VRK1: variants seen among roughly 807,000 people sequenced by gnomAD.
VRK1 encodes serine/threonine-protein kinase VRK1.
VRK1 carries 33 observed loss-of-function variants against 57.1 expected under a neutral mutation model. That is an observed-to-expected ratio of 0.58 (90% CI 0.44 to 0.77). The LOEUF (loss-of-function observed/expected upper bound fraction) is 0.77, where lower values mean the gene tolerates loss of function less well. Ranked by LOEUF, VRK1 falls within the 30% of genes least tolerant of loss-of-function variation. The pLI is 0.00. For synonymous variants in VRK1, 137 were observed against 147.8 expected (o/e 0.93, Z 0.53); for missense variants, 413 against 477.3 (o/e 0.87, Z 1.25).
intron 1 of VRK1, among the ~76,000 whole-genome samples, chr14:96,832,574 C>G (rs1414840421): frequency 2.0e-5 from 3 of 152,128 alleles, no homozygotes; most frequent in Non-Finnish European, 4.4e-5. Flanking sequence ...ACCCAACCAG[C>G]TGGTGTCATA....
chr14:96,799,221 G>T (rs1441222457), intron 1 of VRK1, among the ~76,000 whole-genome samples: 1 of 152,186 alleles, frequency 6.6e-6, no homozygotes, highest in Non-Finnish European at 1.5e-5. Flanking sequence ...GAAAGCTTAT[G>T]CTAAGTTTTA....
At chr14:96,869,188 A>G (rs145160329) in intron 11 of VRK1, among the ~76,000 whole-genome samples, 48 of 152,358 alleles carry the variant, frequency 3.2e-4, no homozygotes, top group African/African-American at 1.2e-3. Context: ...GGAATAAAAG[A>G]TATAAAGTGC....
intron 1 of VRK1, among the ~76,000 whole-genome samples, chr14:96,832,364 A>G (rs1887040993): frequency 6.6e-6 from 1 of 152,152 alleles, no homozygotes; most frequent in South Asian, 2.1e-4. Flanking sequence ...TATCTCCAGT[A>G]TGTTTTTAGG....
rs575689038 is a variant in VRK1, at chr14:96,875,905, C to A, written c.1069-125C>A. The A allele has an allele frequency of 2.0e-5, 20 of 976,932 alleles. No individual in the cohort carries two copies. The African/African-American group carries it at 3.2e-4, about 16-fold the overall frequency. 60.5% of individuals were successfully genotyped at this position (976,932 alleles called of 1,614,324 possible). A position where few individuals can be genotyped will look rare whatever the true frequency, so the allele number is the denominator to read the frequency against. ...CTATCCTGAAGTTGAGAATATTCTTCCTGTGTGTTTTGACACACCCACACC... is the reference window on the plus strand; with the variant it reads ...CTATCCTGAAGTTGAGAATATTCTTACTGTGTGTTTTGACACACCCACACC... On this transcript the variant is annotated intron_variant, in intron 11 of 12. Transcript: ENST00000216639.
chr14:96,881,235 T>G lies in VRK1; in HGVS notation c.*27T>G. On this transcript the variant is annotated 3_prime_UTR_variant, in exon 13 of 13. Transcript: ENST00000216639. ...TCAGATGCTGTGAACCAGATTTCCT[T>G]TTCTTTGTTTTCTTTTGACTTTTTT... 6.3e-7 allele frequency: 1 copy of G among 1,578,706 alleles called. No individual in the cohort carries two copies. Among genetic ancestry groups the G allele is most frequent in the Non-Finnish European group, 8.6e-7 (1 of 1,158,850 alleles).
At chr14:96,840,113 G>A (rs746509049) in intron 3 of VRK1, among the ~76,000 whole-genome samples, 1 of 152,100 alleles carries the variant, frequency 6.6e-6, no homozygotes, top group Admixed American at 6.6e-5. Flanking sequence ...GATTTTGGTA[G>A]CAGAGTTCTG....
chr14:96,837,937 TAAA>T, intron 3 of VRK1, 120 bp downstream of exon 3: 1 of 549,076 alleles, frequency 1.8e-6, no homozygotes, highest in Non-Finnish European at 2.9e-6. Flanking sequence ...TTTAATAACT[TAAA>T]AAATATTTAA....
intron 1 of VRK1, 51 bp from the exon 2 acceptor site, chr14:96,833,416 T>A: frequency 6.2e-7 from 1 of 1,607,380 alleles, no homozygotes; most frequent in South Asian, 1.1e-5. Context: ...AAAAATGTTT[T>A]AAACACTTCT....
At chr14:96,851,514 G>C (rs1887948845) in intron 5 of VRK1, among the ~76,000 whole-genome samples, 1 of 152,142 alleles carries the variant, frequency 6.6e-6, no homozygotes, top group African/African-American at 2.4e-5. Flanking sequence ...TTTATTAAAA[G>C]ATGTTTAGAC....
intron 11 of VRK1, among the ~76,000 whole-genome samples, chr14:96,875,108 A>G (rs1888974013): frequency 6.6e-6 from 1 of 151,588 alleles, no homozygotes. Flanking sequence ...CTTAAATTTG[A>G]AACTACAGAA....
At chr14:96,824,665 ATTT>A (rs55945612) in intron 1 of VRK1, among the ~76,000 whole-genome samples, 1 of 139,560 alleles carries the variant, frequency 7.2e-6, no homozygotes, top group African/African-American at 2.6e-5. Context: ...AAAAACATTA[ATTT>A]TTTTTTTTTT....
At chr14:96,829,292 G>A (rs1886917896) in intron 1 of VRK1, among the ~76,000 whole-genome samples, 2 of 151,518 alleles carry the variant, frequency 1.3e-5, no homozygotes, top group African/African-American at 4.9e-5. Flanking sequence ...TGATCCCTTG[G>A]TGAATATTAA....
At chr14:96,797,503 G>A (rs1341085132) in intron 1 of VRK1, 56 bp downstream of exon 1, 1 of 152,204 alleles carries the variant, frequency 6.6e-6, no homozygotes, top group Non-Finnish European at 1.5e-5. Flanking sequence ...CCGGGGGCGC[G>A]GAGGCGGGCG....
rs796890979 is a variant in VRK1, at chr14:96,870,163, A to AT, written c.1069-5861dup. Among the ~76,000 whole-genome samples the AT allele has an allele frequency of 1.7e-4, 26 of 152,220 alleles. No homozygotes were observed. In the South Asian group the frequency reaches 4.6e-3, roughly 27 times the overall value. ...TATATTCTTTCAGGACCTTTAAATT[A>AT]TTTTTTATAACTTTTGCAGCATGCC... On this transcript the variant is annotated intron_variant, in intron 11 of 12. Transcript: ENST00000216639.
At chr14:96,828,515 C>T (rs1886885458) in intron 1 of VRK1, among the ~76,000 whole-genome samples, 1 of 152,046 alleles carries the variant, frequency 6.6e-6, no homozygotes, top group Non-Finnish European at 1.5e-5. Context: ...ATAAATGTAG[C>T]AGAAAAAATA....
chr14:96,862,873 T>A (rs1323357903), intron 11 of VRK1, among the ~76,000 whole-genome samples: 1 of 152,214 alleles, frequency 6.6e-6, no homozygotes, highest in Non-Finnish European at 1.5e-5. Context: ...AAGTGTGAAG[T>A]ATATTTTCTG....
intron 1 of VRK1, among the ~76,000 whole-genome samples, chr14:96,810,704 G>A (rs528259327): frequency 6.6e-6 from 1 of 152,204 alleles, no homozygotes; most frequent in East Asian, 1.9e-4. Context: ...TGAATGGAAT[G>A]TTTTCTGATT....
At chr14:96,822,086 T>C (rs1216229111) in intron 1 of VRK1, among the ~76,000 whole-genome samples, 1 of 152,122 alleles carries the variant, frequency 6.6e-6, no homozygotes, top group African/African-American at 2.4e-5. Flanking sequence ...CTGCCTTTTT[T>C]TTTTTTTCCT....
At chr14:96,847,579 C>T (rs1160484457) in intron 5 of VRK1, among the ~76,000 whole-genome samples, 2 of 152,148 alleles carry the variant, frequency 1.3e-5, no homozygotes, top group Non-Finnish European at 2.9e-5. Context: ...GGAGCTTCTG[C>T]AGAGCAGTAT....
Sources: gnomAD v4.1 joint callset for allele counts (sites outside exome capture counted in the v4.1 genomes callset) on GRCh38, gnomAD v4.1.1 for gene constraint, MANE v1.5 for transcripts, NCBI Gene and HGNC (gene_info 2026-07-23, HGNC 2026-07-21) for gene names.